Variants in ATP8B4 observed in about 807,000 individuals in gnomAD.
ATP8B4 encodes ATPase phospholipid transporting 8B4 (putative), also known as probable phospholipid-transporting ATPase IM.
In ATP8B4, 133 loss-of-function variants were observed where a neutral mutation model predicts 145.6. That is an observed-to-expected ratio of 0.91 (90% CI 0.79 to 1.05). The LOEUF (loss-of-function observed/expected upper bound fraction) is 1.05. ATP8B4 is among the 50% of genes least tolerant of loss of function. The probability of loss-of-function intolerance (pLI) is 0.00; values close to 1 mark genes in which losing one functional copy is unlikely to be tolerated. For missense variants in ATP8B4, 1,458 were observed against 1,425.2 expected (o/e 1.02, Z -0.37); for synonymous variants, 507 against 492.9 (o/e 1.03, Z -0.38).
chr15:50,083,511 A>G (rs986488435), intron 2 of ATP8B4, among the ~76,000 whole-genome samples: 6 of 152,306 alleles, frequency 3.9e-5, no homozygotes, highest in Admixed American at 3.3e-4. Flanking sequence ...GAGGGCATTT[A>G]ATTTTCCTCT....
chr15:50,035,010 C>T (rs937835246), intron 6 of ATP8B4, among the ~76,000 whole-genome samples: 5 of 152,138 alleles, frequency 3.3e-5, no homozygotes, highest in African/African-American at 4.8e-5. Context: ...ATCATGCCAC[C>T]GCTACTTACT....
chr15:50,022,041 G>C lies in ATP8B4; in HGVS notation c.363-11124C>G, dbSNP rs529687870. ...ACAGGATGAATCATTGTAAGGCAAA[G>C]GATATCAGTTTAGACAATAAAAGAA... On this transcript the variant is annotated intron_variant, in intron 6 of 27. Coordinates refer to ENST00000284509, the MANE Select transcript of ATP8B4 (RefSeq NM_024837.4). Among the ~76,000 whole-genome samples, 18 of 152,116 alleles carry C rather than the reference G, an allele frequency of 1.2e-4. No homozygotes were observed. The South Asian group carries it at 3.7e-3, about 32-fold the overall frequency.
At chr15:49,937,066 T>C (rs1202328682) in intron 14 of ATP8B4, among the ~76,000 whole-genome samples, 1 of 152,140 alleles carries the variant, frequency 6.6e-6, no homozygotes, top group Non-Finnish European at 1.5e-5. Flanking sequence ...TAACTGTTGG[T>C]GGGTTCTGTT....
chr15:49,865,698 G>T (rs934956867), intron 26 of ATP8B4, among the ~76,000 whole-genome samples: 3 of 152,228 alleles, frequency 2.0e-5, no homozygotes, highest in Non-Finnish European at 4.4e-5. Flanking sequence ...GGTCACAGAA[G>T]TCTTCTGTGT....
At position 50,017,701 on chromosome 15, in the gene ATP8B4, C is replaced by T. The variant is rs920805870; in HGVS notation, c.363-6784G>A. On this transcript the variant is annotated intron_variant, in intron 6 of 27. Transcript: ENST00000284509. ...CTGCCTTACATGTCAACTAATAATA[C>T]AAGCCATAGCAACACAGACAAAGCG... Among the ~76,000 whole-genome samples, 3 of 152,146 alleles carry T rather than the reference C, an allele frequency of 2.0e-5. No homozygotes were observed. In the South Asian group the frequency reaches 6.2e-4, roughly 32 times the overall value.
chr15:49,930,181 A>G (rs981016975), intron 16 of ATP8B4, among the ~76,000 whole-genome samples: 2 of 152,086 alleles, frequency 1.3e-5, no homozygotes, highest in African/African-American at 4.8e-5. Context: ...TCAGCTTTGA[A>G]AAGGAAAAAG....
At position 49,999,408 on chromosome 15, in the gene ATP8B4, T is replaced by A. The variant is rs538321748; in HGVS notation, c.507-2649A>T. Among the ~76,000 whole-genome samples, 420 of 147,774 alleles carry A rather than the reference T, an allele frequency of 2.8e-3. 2 individuals are homozygous for A. Among genetic ancestry groups the A allele is most frequent in the African/African-American group, 0.01 (403 of 40,252 alleles). ...GTGGGGTGGGGGGAGGGCGGAGGGA[T>A]AGCTTTAGGAGATATACCTAATGCT... is the stretch of plus-strand genomic sequence containing the variant. On this transcript the variant is annotated intron_variant, in intron 8 of 27. Transcript: ENST00000284509.
chr15:50,177,226 G>A (rs1309510981), intron 1 of ATP8B4, among the ~76,000 whole-genome samples: 1 of 152,176 alleles, frequency 6.6e-6, no homozygotes, highest in Non-Finnish European at 1.5e-5. Flanking sequence ...ATGGCCCTGT[G>A]CATTAGGTGC....
chr15:49,939,316 G>T (rs2041978147), intron 14 of ATP8B4, among the ~76,000 whole-genome samples: 1 of 151,594 alleles, frequency 6.6e-6, no homozygotes, highest in South Asian at 2.1e-4. Flanking sequence ...ACCAAAAGTT[G>T]GTTTTTTTGA....
At chr15:49,956,583 C>T (rs916132125) in intron 14 of ATP8B4, among the ~76,000 whole-genome samples, 6 of 152,080 alleles carry the variant, frequency 3.9e-5, no homozygotes, top group Non-Finnish European at 8.8e-5. Flanking sequence ...TCACTCTCAC[C>T]CGGGCTGGAA....
intron 1 of ATP8B4, among the ~76,000 whole-genome samples, chr15:50,137,989 C>A (rs1450868102): frequency 6.6e-6 from 1 of 152,190 alleles, no homozygotes; most frequent in Non-Finnish European, 1.5e-5. Flanking sequence ...GAGCTGTGAG[C>A]ACAACCTGCC....
chr15:49,889,616 C>T (rs1423136374), intron 23 of ATP8B4, among the ~76,000 whole-genome samples: 1 of 152,184 alleles, frequency 6.6e-6, no homozygotes, highest in Non-Finnish European at 1.5e-5. Flanking sequence ...CTTCTTGAAG[C>T]CTTGCACACC....
rs750033683 is a variant in ATP8B4 at position 50,006,489 on chromosome 15, C to CAAAAAAAAA, written c.436-4275_436-4267dup. On this transcript the variant is annotated intron_variant, in intron 7 of 27. Transcript: ENST00000284509. ...AGAGCAATGAGGGCAATGAGACCAC[C>CAAAAAAAAA]AAAAAAAAAAAAAAAAAAAAAGGCC... Among the ~76,000 whole-genome samples, 2 of 47,858 alleles carry CAAAAAAAAA rather than the reference C, an allele frequency of 4.2e-5. 1 individual carries two copies. The highest frequency in any genetic ancestry group is 1.4e-4 in the African/African-American group (2 of 13,878). The allele number at this position is 47,858 out of a possible 152,430, so 31.4% of individuals were successfully genotyped here.
chr15:50,005,718 G>A (rs972045486), intron 7 of ATP8B4, among the ~76,000 whole-genome samples: 1 of 152,210 alleles, frequency 6.6e-6, no homozygotes, highest in African/African-American at 2.4e-5. Flanking sequence ...ATCCCAAAAT[G>A]TATGCTCTTT....
chr15:50,113,330 A>G (rs920107780), intron 1 of ATP8B4: 2 of 152,240 alleles, frequency 1.3e-5, no homozygotes, highest in Non-Finnish European at 2.9e-5. Context: ...CAGCGAGAGA[A>G]AAAGGAACAA....
Position 50,135,925 on chromosome 15 carries a change from C to T in ATP8B4, c.-42-28917G>A, listed in dbSNP as rs182930428. ...AAAATTAAACTGAACGGTCCTCTGACGTTTAATAATTCTTTCATGTACATT... is the reference window on the plus strand; with the variant it reads ...AAAATTAAACTGAACGGTCCTCTGATGTTTAATAATTCTTTCATGTACATT... On this transcript the variant is annotated intron_variant, in intron 1 of 3. Coordinates refer to the ATP8B4 transcript ENST00000558829. Among the ~76,000 whole-genome samples the T allele has an allele frequency of 8.5e-5, 13 of 152,272 alleles. No individual in the cohort carries two copies. In the East Asian group the frequency reaches 1.2e-3, roughly 14 times the overall value.
chr15:49,956,337 G>C (rs1266983005), intron 14 of ATP8B4, among the ~76,000 whole-genome samples: 7 of 152,018 alleles, frequency 4.6e-5, no homozygotes, highest in Non-Finnish European at 8.8e-5. Flanking sequence ...ATCACAGACT[G>C]TTTTGTTCAT....
At chr15:49,914,732 T>C (rs2039564864) in intron 20 of ATP8B4, among the ~76,000 whole-genome samples, 1 of 152,132 alleles carries the variant, frequency 6.6e-6, no homozygotes, top group Non-Finnish European at 1.5e-5. Context: ...CATCATTAAT[T>C]ATCAGAGACA....
chr15:49,979,006 T>C (rs1362612972), intron 12 of ATP8B4, among the ~76,000 whole-genome samples: 1 of 152,190 alleles, frequency 6.6e-6, no homozygotes, highest in Non-Finnish European at 1.5e-5. Context: ...AACTCCTTTA[T>C]GTACATACTT....
Sources: gnomAD v4.1 joint callset for allele counts (sites outside exome capture counted in the v4.1 genomes callset) on GRCh38, gnomAD v4.1.1 for gene constraint, MANE v1.5 for transcripts, NCBI Gene and HGNC (gene_info 2026-07-23, HGNC 2026-07-21) for gene names.